CNGB3: variants seen among roughly 807,000 people sequenced by gnomAD.
CNGB3 encodes the protein cyclic nucleotide gated channel subunit beta 3, also known as cyclic nucleotide-gated channel beta-3.
A neutral mutation model predicts 92.8 loss-of-function variants in CNGB3; 86 were observed. That is an observed-to-expected ratio of 0.93 (90% CI 0.78 to 1.11). CNGB3 has a LOEUF of 1.11. Among genes scored for constraint, CNGB3 ranks in the 50% least tolerant of loss-of-function variants. The pLI, the probability that CNGB3 is intolerant of heterozygous loss-of-function variation, is 0.00. For missense variants in CNGB3, 1,026 were observed against 956.8 expected (o/e 1.07, Z -0.95); for synonymous variants, 333 against 332.7 (o/e 1.00, Z -0.01).
In CNGB3 at chr8:86,578,826, T is replaced by C; in HGVS notation, c.1966A>G (p.Thr656Ala). Residue 656 changes from threonine to alanine, a missense_variant, in exon 17 of 18, where the codon ACC (threonine) becomes GCC (alanine). Transcript: ENST00000320005. Reference protein sequence around the residue: ...LKQKAKTAEATPPRKDLALLF... With the variant: ...LKQKAKTAEAAPPRKDLALLF... ...AGGGCAAGATCTTTTCTTGGAGGGG[T>C]TGCTTCTGCGGTCTTAGCCTTCTGC... The C allele has an allele frequency of 6.2e-7, 1 of 1,614,152 alleles. No homozygotes were observed. The highest frequency in any genetic ancestry group is 8.5e-7 in the Non-Finnish European group (1 of 1,180,022).
intron 15 of CNGB3, chr8:86,594,572 A>G: frequency 3.3e-6 from 1 of 305,168 alleles, no homozygotes. Context: ...GTCTGGGTCC[A>G]CTGTCACCTT....
At chr8:86,628,041 C>T (rs912168872) in intron 12 of CNGB3, among the ~76,000 whole-genome samples, 1 of 152,078 alleles carries the variant, frequency 6.6e-6, no homozygotes, top group African/African-American at 2.4e-5. Flanking sequence ...TTTCTTTTCT[C>T]TAGTTTATTT....
chr8:86,640,540 G>A (rs895413749), intron 10 of CNGB3, among the ~76,000 whole-genome samples: 7 of 151,970 alleles, frequency 4.6e-5, no homozygotes, highest in East Asian at 3.9e-4. Flanking sequence ...TGACCAGTCC[G>A]TTTTTGTTCT....
intron 3 of CNGB3, among the ~76,000 whole-genome samples, chr8:86,705,931 G>T (rs998362938): frequency 4.6e-5 from 7 of 152,160 alleles, no homozygotes; most frequent in African/African-American, 1.7e-4. Context: ...ACTTTTTGCT[G>T]CTGCTGTTAA....
chr8:86,661,936 G>A (rs927478094), intron 6 of CNGB3: 8 of 688,952 alleles, frequency 1.2e-5, no homozygotes, highest in African/African-American at 1.8e-5. Flanking sequence ...CTCTAGGCAC[G>A]AGAAGAGGCT....
rs181284396 is a variant in CNGB3 at position 86,696,550 on chromosome 8, G to A, written c.339-25452C>T. ...TTCTTGGAGCAAAAGTTCATAATGTGTGTCTCCAGACACTGTTCTATCCAT... is the reference window on the plus strand; with the variant it reads ...TTCTTGGAGCAAAAGTTCATAATGTATGTCTCCAGACACTGTTCTATCCAT... On this transcript the variant is annotated intron_variant, in intron 3 of 17. Coordinates refer to ENST00000320005, the MANE Select transcript of CNGB3 (RefSeq NM_019098.5). 7.2e-5 allele frequency among the ~76,000 whole-genome samples: 11 copies of A among 152,258 alleles called. No individual in the cohort carries two copies. In the East Asian group the frequency reaches 1.5e-3, roughly 21 times the overall value.
At chr8:86,693,702 C>G (rs1157433041) in intron 3 of CNGB3, among the ~76,000 whole-genome samples, 1 of 151,504 alleles carries the variant, frequency 6.6e-6, no homozygotes, top group Non-Finnish European at 1.5e-5. Context: ...CTTGCGCCGC[C>G]CTTAATCCAT....
chr8:86,711,078 T>A (rs1197846979), intron 3 of CNGB3, among the ~76,000 whole-genome samples: 2 of 152,224 alleles, frequency 1.3e-5, no homozygotes, highest in African/African-American at 4.8e-5. Context: ...TACTTCTAGA[T>A]ATTGGAGGTT....
intron 4 of CNGB3, among the ~76,000 whole-genome samples, chr8:86,670,315 C>T (rs1173461137): frequency 6.6e-6 from 1 of 151,762 alleles, no homozygotes; most frequent in Non-Finnish European, 1.5e-5. Flanking sequence ...TAAATATTTA[C>T]AATAAAATTT....
intron 3 of CNGB3, among the ~76,000 whole-genome samples, chr8:86,690,904 T>C (rs1824298813): frequency 6.6e-6 from 1 of 152,214 alleles, no homozygotes; most frequent in African/African-American, 2.4e-5. Flanking sequence ...CTGTGTTCTG[T>C]TCCATTGATC....
chr8:86,663,989 T>A (rs1823693906), intron 6 of CNGB3, among the ~76,000 whole-genome samples: 1 of 152,208 alleles, frequency 6.6e-6, no homozygotes, highest in African/African-American at 2.4e-5. Context: ...AAACATTGAT[T>A]TTCTCCCCCC....
intron 3 of CNGB3, among the ~76,000 whole-genome samples, chr8:86,711,649 A>G (rs1260318076): frequency 6.6e-6 from 1 of 151,868 alleles, no homozygotes; most frequent in Non-Finnish European, 1.5e-5. Flanking sequence ...CACTCATAAA[A>G]TTTTTGTCTT....
chr8:86,652,834 A>C (rs1823432858), intron 7 of CNGB3, among the ~76,000 whole-genome samples: 1 of 152,130 alleles, frequency 6.6e-6, no homozygotes, highest in South Asian at 2.1e-4. Flanking sequence ...AATTCATAGG[A>C]GTACATTCCG....
intron 3 of CNGB3, among the ~76,000 whole-genome samples, chr8:86,697,844 T>C (rs1348588344): frequency 6.8e-6 from 1 of 146,840 alleles, no homozygotes; most frequent in African/African-American, 2.5e-5. Flanking sequence ...CCCTGTGTCC[T>C]AGTGTTCTCA....
intron 6 of CNGB3, chr8:86,660,106 C>T (rs897737660): frequency 9.6e-6 from 3 of 313,356 alleles, no homozygotes; most frequent in Admixed American, 4.1e-5. Flanking sequence ...GAGGAGAAAG[C>T]ATGGTCTTTG....
intron 11 of CNGB3, among the ~76,000 whole-genome samples, chr8:86,629,757 T>C (rs1217230324): frequency 1.3e-5 from 2 of 152,214 alleles, no homozygotes; most frequent in Non-Finnish European, 2.9e-5. Context: ...CTTAAGAAAC[T>C]GTCAGGTTTT....
At chr8:86,738,315 A>G in intron 2 of CNGB3, among the ~76,000 whole-genome samples, 1 of 152,146 alleles carries the variant, frequency 6.6e-6, no homozygotes, top group East Asian at 1.9e-4. Context: ...GGTGGAGGAA[A>G]TTAGATTTTG....
intron 3 of CNGB3, among the ~76,000 whole-genome samples, chr8:86,681,177 T>A (rs1008951502): frequency 6.6e-6 from 1 of 152,144 alleles, no homozygotes; most frequent in Non-Finnish European, 1.5e-5. Flanking sequence ...ATGATATTTT[T>A]AAAAAGCTTG....
At chr8:86,626,993 G>C (rs1822862064) in intron 12 of CNGB3, among the ~76,000 whole-genome samples, 1 of 151,878 alleles carries the variant, frequency 6.6e-6, no homozygotes, top group South Asian at 2.1e-4. Flanking sequence ...TCCTGATCCT[G>C]TCCCTCTACC....
Sources: allele counts gnomAD v4.1 joint callset (sites outside exome capture counted in the v4.1 genomes callset), GRCh38; gene constraint gnomAD v4.1.1; transcripts MANE v1.5; gene names NCBI Gene and HGNC (gene_info 2026-07-23, HGNC 2026-07-21).